The following SLC7A2 variants were observed in gnomAD, a reference collection of about 807,000 sequenced individuals.
The protein encoded by SLC7A2 is solute carrier family 7 member 2.
SLC7A2 carries 48 observed loss-of-function variants against 58.9 expected under a neutral mutation model. The observed-to-expected ratio is 0.82, with a 90% CI of 0.65 to 1.04. SLC7A2 has a LOEUF of 1.04. Ranked by LOEUF, SLC7A2 falls within the 50% of genes least tolerant of loss-of-function variation. SLC7A2 has a pLI of 0.00. For synonymous variants in SLC7A2, 363 were observed against 314.5 expected (o/e 1.15, Z -1.63); for missense variants, 1,029 against 818.8 (o/e 1.26, Z -3.13).
Position 17,562,051 on chromosome 8 carries a change from G to A in SLC7A2, c.1612G>A (p.Val538Ile), listed in dbSNP as rs145522409. The A allele has an allele frequency of 7.6e-5, 123 of 1,613,786 alleles. No homozygotes were observed. Among genetic ancestry groups the A allele is most frequent in the African/African-American group, 4.4e-4 (33 of 74,848 alleles). Residue 538 changes from valine (V) to isoleucine (I), a missense_variant, in exon 11 of 13, where the codon GTT becomes ATT. Val to Ile is a conservative substitution (Grantham distance 29). Coordinates refer to ENST00000494857, the MANE Select transcript of SLC7A2 (RefSeq NM_001370338.1). ...ALLALFLVLF[V>I]AIVLTIWRQP... is the part of the protein sequence containing the mutation. ...CCTCGCGCTGTTTCTTGTTCTCTTC[G>A]TTGCCATCGTTCTCACCATCTGGAG... is the stretch of plus-strand genomic sequence containing the variant.
rs757178834 is a variant in SLC7A2 at position 17,551,844 on chromosome 8, G to C, written c.913G>C (p.Gly305Arg). 6.2e-7 allele frequency: 1 copy of C among 1,613,868 alleles called. No homozygotes were observed. Among genetic ancestry groups the C allele is most frequent in the Non-Finnish European group, 8.5e-7 (1 of 1,179,984 alleles). ...GCTTGTTTGCTTTATGGCCTATTTT[G>C]GGGTCTCTGCAGCTTTAACACTTAT... ...SLLVCFMAYF[G>R]VSAALTLMMP... Residue 305 changes from glycine (G) to arginine (R), a missense_variant, in exon 7 of 13, where the codon GGG (glycine) becomes CGG (arginine). Gly to Arg is a moderately radical substitution (Grantham distance 125). Coordinates refer to ENST00000494857, the MANE Select transcript of SLC7A2 (RefSeq NM_001370338.1).
intron 5 of SLC7A2, 75 bp from the exon 6 acceptor site, chr8:17,550,226 A>G (rs186073243): frequency 5.1e-6 from 7 of 1,376,538 alleles, no homozygotes; most frequent in African/African-American, 4.3e-5. Flanking sequence ...TTCCAAGGAT[A>G]TAGTCTGAGA....
chr8:17,531,956 G>A (rs1801467494), intron 2 of SLC7A2, among the ~76,000 whole-genome samples: 1 of 151,878 alleles, frequency 6.6e-6, no homozygotes, highest in Non-Finnish European at 1.5e-5. Context: ...GGCTGGGCAC[G>A]GTGGCTCATG....
intron 2 of SLC7A2, among the ~76,000 whole-genome samples, chr8:17,521,393 T>G (rs189208452): frequency 7.2e-5 from 11 of 152,270 alleles, no homozygotes; most frequent in African/African-American, 2.6e-4. Flanking sequence ...TCAGATGAAT[T>G]TGGCAGGATT....
At chr8:17,551,073 AC>A (rs1438731612) in intron 6 of SLC7A2, among the ~76,000 whole-genome samples, 2 of 152,220 alleles carry the variant, frequency 1.3e-5, no homozygotes, top group Non-Finnish European at 2.9e-5. Flanking sequence ...ACCGAATGGC[AC>A]AGCAGTCATT....
At chr8:17,515,597 T>A (rs531970384) in intron 2 of SLC7A2, among the ~76,000 whole-genome samples, 20 of 152,260 alleles carry the variant, frequency 1.3e-4, no homozygotes, top group African/African-American at 4.3e-4. Context: ...CCTGCCTGAT[T>A]GCCATTTTTC....
intron 11 of SLC7A2, 93 bp from the exon 12 acceptor site, chr8:17,563,510 A>G: frequency 2.6e-6 from 2 of 755,218 alleles, no homozygotes; most frequent in East Asian, 2.5e-5. Flanking sequence ...GTGTGAAAGT[A>G]TATATGCCAA....
intron 2 of SLC7A2, among the ~76,000 whole-genome samples, chr8:17,517,481 C>T (rs1323810895): frequency 6.6e-6 from 1 of 152,010 alleles, no homozygotes; most frequent in Non-Finnish European, 1.5e-5. Context: ...TGGTGAAGGC[C>T]GTGAAAATCT....
intron 2 of SLC7A2, among the ~76,000 whole-genome samples, chr8:17,504,543 T>C (rs1800289522): frequency 6.6e-6 from 1 of 152,248 alleles, no homozygotes; most frequent in African/African-American, 2.4e-5. Context: ...CAATTAATTC[T>C]ATCCGGTTTA....
At chr8:17,526,021 A>T (rs1801209405) in intron 2 of SLC7A2, among the ~76,000 whole-genome samples, 1 of 152,206 alleles carries the variant, frequency 6.6e-6, no homozygotes, top group African/African-American at 2.4e-5. Context: ...TCTATACCCT[A>T]GATTTTTAAA....
chr8:17,539,427 A>G (rs1300153768), intron 2 of SLC7A2, among the ~76,000 whole-genome samples: 1 of 152,214 alleles, frequency 6.6e-6, no homozygotes, highest in Non-Finnish European at 1.5e-5. Context: ...AGTTCCTTCC[A>G]GCCCTCCCTT....
chr8:17,541,022 G>C (rs1018547170), intron 2 of SLC7A2, among the ~76,000 whole-genome samples: 1 of 152,072 alleles, frequency 6.6e-6, no homozygotes, highest in Non-Finnish European at 1.5e-5. Context: ...TTGTGTTCCC[G>C]GAGTTGTATA....
chr8:17,559,383 G>A (rs1381486208), intron 9 of SLC7A2, among the ~76,000 whole-genome samples: 1 of 152,154 alleles, frequency 6.6e-6, no homozygotes, highest in African/African-American at 2.4e-5. Context: ...CATGCTGCCA[G>A]GAAGGAGAAG....
intron 4 of SLC7A2, among the ~76,000 whole-genome samples, chr8:17,548,388 T>C (rs1802279698): frequency 6.6e-6 from 1 of 152,210 alleles, no homozygotes; most frequent in Non-Finnish European, 1.5e-5. Context: ...AATTAGATGT[T>C]ACTTTACCTA....
At chr8:17,560,101 ACT>A (rs998256135) in intron 9 of SLC7A2, among the ~76,000 whole-genome samples, 111 of 151,954 alleles carry the variant, frequency 7.3e-4, no homozygotes, top group Middle Eastern at 6.8e-3. Context: ...CTATTGTATG[ACT>A]CTGATTTGGT....
chr8:17,495,939 A>G (rs936502890), upstream of SLC7A2, among the ~76,000 whole-genome samples: 1 of 152,216 alleles, frequency 6.6e-6, no homozygotes, highest in Admixed American at 6.5e-5. Context: ...ATGAAGCCCC[A>G]CACCGTTTAT....
Position 17,558,378 on chromosome 8 carries a change from GC to G in SLC7A2, c.1281del (p.Cys428ValfsTer31). ...ACTCATGGCCTACTCTCTGGTGGCA[GC>G]CTGTGTTCTCATCCTCAGGTGAGTC... ...GTLMAYSLVA[A>X]CVLILRYQPG... On this transcript the variant is annotated frameshift_variant, in exon 9 of 13. Transcript: ENST00000494857. LOFTEE classifies it high-confidence loss of function. The G allele has an allele frequency of 3.1e-6, 5 of 1,612,330 alleles. No individual in the cohort carries two copies. Among genetic ancestry groups the G allele is most frequent in the Non-Finnish European group, 4.2e-6 (5 of 1,178,694 alleles).
intron 1 of SLC7A2, among the ~76,000 whole-genome samples, chr8:17,499,543 A>T (rs560655020): frequency 6.6e-6 from 1 of 150,846 alleles, no homozygotes; most frequent in African/African-American, 2.5e-5. Flanking sequence ...TCCCCCAAAC[A>T]TGTAGATATG....
chr8:17,494,324 C>G (rs988564475), upstream of SLC7A2, among the ~76,000 whole-genome samples: 4 of 152,084 alleles, frequency 2.6e-5, no homozygotes, highest in Admixed American at 1.3e-4. Context: ...TTTCATAAAC[C>G]CTTAAGAGTT....
Sources: allele counts gnomAD v4.1 joint callset (sites outside exome capture counted in the v4.1 genomes callset), GRCh38; gene constraint gnomAD v4.1.1; transcripts MANE v1.5; gene names NCBI Gene and HGNC (gene_info 2026-07-23, HGNC 2026-07-21).